Variants in UNC5C observed in about 807,000 individuals in gnomAD.
The protein encoded by UNC5C is unc-5 netrin receptor C, also known as netrin receptor UNC5C.
UNC5C carries 47 observed loss-of-function variants against 99.8 expected under a neutral mutation model. The observed-to-expected ratio is 0.47, with a 90% confidence interval of 0.37 to 0.60. The LOEUF (loss-of-function observed/expected upper bound fraction) is 0.60, where lower values mean the gene tolerates loss of function less well. Ranked by LOEUF, UNC5C falls within the 20% of genes least tolerant of loss-of-function variation. The pLI is 0.00. For missense variants in UNC5C, 1,062 were observed against 1,165.9 expected, an observed-to-expected ratio of 0.91 and a Z score of 1.30; for synonymous variants, 487 against 452.2, an observed-to-expected ratio of 1.08 and a Z score of -0.98.
intron 1 of UNC5C, among the ~76,000 whole-genome samples, chr4:95,361,018 G>T (rs968832088): frequency 6.6e-6 from 1 of 152,142 alleles, no homozygotes; most frequent in African/African-American, 2.4e-5. Context: ...GTAAAAACAC[G>T]TTCTGTGACT....
Position 95,256,699 on chromosome 4 carries a change from A to AATATATATATATATATATATATAT in UNC5C, c.595-6033_595-6032insATATATATATATATATATATATAT, listed in dbSNP as rs377553615. On this transcript the variant is annotated intron_variant, in intron 4 of 15. Coordinates refer to ENST00000453304, the MANE Select transcript of UNC5C (RefSeq NM_003728.4). ...TTGTCTAGAGGGACAGAACTAAATA[A>AATATATATATATATATATATATAT]ATATATATATATATATATATATGAG... Among the ~76,000 whole-genome samples the AATATATATATATATATATATATAT allele has an allele frequency of 8.8e-4, 80 of 90,592 alleles. 1 individual carries two copies. The highest frequency in any genetic ancestry group is 2.7e-3 in the African/African-American group (76 of 27,746). The allele number at this position is 90,592 out of a possible 152,430, so 59.4% of individuals were successfully genotyped here. A position where few individuals can be genotyped will look rare whatever the true frequency, so the allele number is the denominator to read the frequency against.
chr4:95,436,484 T>A (rs918992328), intron 1 of UNC5C, among the ~76,000 whole-genome samples: 1 of 151,984 alleles, frequency 6.6e-6, no homozygotes, highest in Non-Finnish European at 1.5e-5. Context: ...TGCAGATATA[T>A]AACTAATTAC....
chr4:95,384,673 C>T lies in UNC5C; in HGVS notation c.125-49042G>A, dbSNP rs530235789. On this transcript the variant is annotated intron_variant, in intron 1 of 15. Coordinates refer to ENST00000453304, the MANE Select transcript of UNC5C (RefSeq NM_003728.4). ...ATTTTTCAGGGGGAAAATGACAAGT[C>T]CAGATTTCCATTTGAAAATGACTAT... Among the ~76,000 whole-genome samples, 4 of 152,102 alleles carry T rather than the reference C, an allele frequency of 2.6e-5. No homozygotes were observed. The South Asian group carries it at 6.2e-4, about 24-fold the overall frequency.
intron 2 of UNC5C, among the ~76,000 whole-genome samples, chr4:95,330,236 G>T (rs1429669375): frequency 6.6e-6 from 1 of 151,930 alleles, no homozygotes; most frequent in East Asian, 1.9e-4. Flanking sequence ...TTTATAATGA[G>T]TTGGGTTTTC....
chr4:95,424,656 G>T (rs530632339), intron 1 of UNC5C, among the ~76,000 whole-genome samples: 15 of 150,876 alleles, frequency 9.9e-5, no homozygotes, highest in Middle Eastern at 3.4e-3. Flanking sequence ...CGAGTAGCTG[G>T]GACTACAGGT....
Position 95,430,089 on chromosome 4 carries a change from G to A in UNC5C, c.125-94458C>T, listed in dbSNP as rs138718545. 5.4e-3 allele frequency among the ~76,000 whole-genome samples: 822 copies of A among 152,160 alleles called. 12 individuals carry two copies. The highest frequency in any genetic ancestry group is 0.018 in the African/African-American group (743 of 41,516). On this transcript the variant is annotated intron_variant, in intron 1 of 15. Coordinates refer to ENST00000453304, the MANE Select transcript of UNC5C (RefSeq NM_003728.4). ...TATGATACTATAATGATGGATACAT[G>A]TTGTTATACATTGGCCAAAACCCAC... is the stretch of plus-strand genomic sequence containing the variant.
At chr4:95,468,833 C>A (rs899703049) in intron 1 of UNC5C, among the ~76,000 whole-genome samples, 1 of 152,026 alleles carries the variant, frequency 6.6e-6, no homozygotes, top group African/African-American at 2.4e-5. Context: ...TTCTGGGTGG[C>A]CAGCAACATT....
At chr4:95,175,752 G>T in intron 14 of UNC5C, among the ~76,000 whole-genome samples, 1 of 151,416 alleles carries the variant, frequency 6.6e-6, no homozygotes, top group East Asian at 1.9e-4. Flanking sequence ...GAGTATCTTT[G>T]TGGCATTCTC....
At chr4:95,396,949 TA>T (rs144048145) in intron 1 of UNC5C, among the ~76,000 whole-genome samples, 8,914 of 152,200 alleles carry the variant, frequency 0.059, 586 homozygotes, top group African/African-American at 0.16. Flanking sequence ...AGCTTAAGCA[TA>T]TCAACATTTA....
intron 1 of UNC5C, among the ~76,000 whole-genome samples, chr4:95,379,586 T>G (rs1433908971): frequency 2.0e-5 from 3 of 152,132 alleles, no homozygotes; most frequent in Admixed American, 1.3e-4. Flanking sequence ...TTTCAAAGTG[T>G]TTTTAGGAAA....
At chr4:95,329,116 AC>A (rs1774927972) in intron 2 of UNC5C, among the ~76,000 whole-genome samples, 1 of 151,856 alleles carries the variant, frequency 6.6e-6, no homozygotes, top group Admixed American at 6.6e-5. Context: ...ACATAGCAAG[AC>A]CCCATCTCTA....
intron 7 of UNC5C, among the ~76,000 whole-genome samples, chr4:95,222,845 G>A (rs1484073143): frequency 6.6e-6 from 1 of 152,056 alleles, no homozygotes; most frequent in Non-Finnish European, 1.5e-5. Flanking sequence ...TCATTTAATA[G>A]GAGTTCGATA....
In UNC5C at chr4:95,505,047, A is replaced by G. The variant is rs76490949; in HGVS notation, c.124+43687T>C. Among the ~76,000 whole-genome samples, 349 of 152,230 alleles carry G rather than the reference A, an allele frequency of 2.3e-3. 4 individuals are homozygous for G. Among genetic ancestry groups the G allele is most frequent in the African/African-American group, 7.9e-3 (329 of 41,572 alleles). On this transcript the variant is annotated intron_variant, in intron 1 of 15. Coordinates refer to ENST00000453304, the MANE Select transcript of UNC5C (RefSeq NM_003728.4). ...CTTACTAAATAAAAATGACAACGCT[A>G]TATATGACAGGGGCTCAAAGAGAAA...
chr4:95,383,203 T>A (rs1246986696), intron 1 of UNC5C, among the ~76,000 whole-genome samples: 3 of 152,036 alleles, frequency 2.0e-5, no homozygotes, highest in Admixed American at 2.0e-4. Flanking sequence ...TTTCTCATAG[T>A]TTTCTTCTTC....
chr4:95,340,254 A>T (rs1743516067), intron 1 of UNC5C, among the ~76,000 whole-genome samples: 1 of 152,136 alleles, frequency 6.6e-6, no homozygotes, highest in African/African-American at 2.4e-5. Context: ...TTTCTGAATC[A>T]TAAGACTTAA....
In UNC5C at chr4:95,206,751, G is replaced by GCTCA; in HGVS notation, c.1775_1778dup (p.Cys594GlufsTer114). The GCTCA allele has an allele frequency of 6.2e-7, 1 of 1,613,540 alleles. No individual in the cohort carries two copies. Among genetic ancestry groups the GCTCA allele is most frequent in the Non-Finnish European group, 8.5e-7 (1 of 1,179,740 alleles). ...TGAGCAGAGCTCCTGGGGGCCCACAGCTCACCACAGGGGTCAAAAGTGTCT... is the reference window on the plus strand; with the variant it reads ...TGAGCAGAGCTCCTGGGGGCCCACAGCTCACTCACCACAGGGGTCAAAAGTGTCT... On this transcript the variant is annotated frameshift_variant, in exon 11 of 16. Coordinates refer to ENST00000453304, the MANE Select transcript of UNC5C (RefSeq NM_003728.4). LOFTEE classifies it high-confidence loss of function.
At chr4:95,499,946 T>G (rs1721736712) in intron 1 of UNC5C, among the ~76,000 whole-genome samples, 1 of 145,378 alleles carries the variant, frequency 6.9e-6, no homozygotes, top group Non-Finnish European at 1.5e-5. Context: ...AGTGCAGATT[T>G]AAATTTCAGG....
chr4:95,440,765 A>G (rs1746927637), intron 1 of UNC5C, among the ~76,000 whole-genome samples: 1 of 152,210 alleles, frequency 6.6e-6, no homozygotes, highest in South Asian at 2.1e-4. Context: ...TGAACTTGAA[A>G]GAAACTCGGT....
chr4:95,263,783 A>T (rs938776696), intron 4 of UNC5C, among the ~76,000 whole-genome samples: 8 of 152,202 alleles, frequency 5.3e-5, no homozygotes, highest in Non-Finnish European at 7.3e-5. Flanking sequence ...TTTGAAAAGG[A>T]TACTATATGT....
Sources: allele counts gnomAD v4.1 joint callset (sites outside exome capture counted in the v4.1 genomes callset), GRCh38; gene constraint gnomAD v4.1.1; transcripts MANE v1.5; gene names NCBI Gene and HGNC (gene_info 2026-07-23, HGNC 2026-07-21).